The following SRFBP1 variants were observed in gnomAD, a reference collection of about 807,000 sequenced individuals.
SRFBP1 encodes the protein serum response factor-binding protein 1.
A neutral mutation model predicts 45.5 loss-of-function variants in SRFBP1; 47 were observed. The observed-to-expected ratio is 1.03, with a 90% CI of 0.82 to 1.32. The LOEUF is 1.32. Among genes scored for constraint, SRFBP1 ranks in the 40% most tolerant of loss-of-function variants. The pLI, the probability that SRFBP1 is intolerant of heterozygous loss-of-function variation, is 0.00. For missense variants in SRFBP1, 621 were observed against 484.6 expected (o/e 1.28, Z -2.64); for synonymous variants, 203 against 166.3 (o/e 1.22, Z -1.70).
intron 2 of SRFBP1, among the ~76,000 whole-genome samples, chr5:122,074,818 G>A (rs1754569051): frequency 6.6e-6 from 1 of 152,170 alleles, no homozygotes; most frequent in Non-Finnish European, 1.5e-5. Context: ...TTGGATTTCA[G>A]GAAGTAAGTT....
intron 3 of SRFBP1, among the ~76,000 whole-genome samples, chr5:121,981,169 C>G (rs148614773): frequency 1.2e-4 from 18 of 151,978 alleles, no homozygotes; most frequent in African/African-American, 4.3e-4. Context: ...GATGATTAAT[C>G]ATGTTATCTT....
intron 4 of SRFBP1, among the ~76,000 whole-genome samples, chr5:122,017,046 T>A (rs1335051168): frequency 6.6e-6 from 1 of 152,088 alleles, no homozygotes; most frequent in African/African-American, 2.4e-5. Context: ...CTGGCCAACG[T>A]GGTGAAACCC....
At chr5:121,969,341 A>G (rs564655602) in intron 1 of SRFBP1, among the ~76,000 whole-genome samples, 1 of 152,064 alleles carries the variant, frequency 6.6e-6, no homozygotes, top group African/African-American at 2.4e-5. Flanking sequence ...TTGAGCTGTG[A>G]TGCATCTGTT....
intron 4 of SRFBP1, among the ~76,000 whole-genome samples, chr5:122,001,057 C>T (rs1335689913): frequency 6.6e-6 from 1 of 152,176 alleles, no homozygotes; most frequent in East Asian, 1.9e-4. Flanking sequence ...AAGGTCCCTT[C>T]TCCAAGCTCT....
chr5:121,981,002 C>A (rs934930341), intron 3 of SRFBP1, among the ~76,000 whole-genome samples: 1 of 152,122 alleles, frequency 6.6e-6, no homozygotes, highest in African/African-American at 2.4e-5. Context: ...GAAATGATAA[C>A]TACTTGTGCT....
intron 2 of SRFBP1, among the ~76,000 whole-genome samples, chr5:122,042,687 T>C (rs895795230): frequency 7.9e-5 from 12 of 152,224 alleles, no homozygotes; most frequent in Non-Finnish European, 1.5e-4. Flanking sequence ...TATTTTTTCT[T>C]TGTGTGCTCT....
At chr5:122,077,421 T>A, downstream of SRFBP1, 1 of 1,614,048 alleles carries the variant, frequency 6.2e-7, no homozygotes, top group South Asian at 1.1e-5. This position sits in a 1 kb window ranked among gnomAD's most constrained non-coding sequence, Gnocchi z 4.9. Context: ...CTTTCATAAG[T>A]ATCGTAGTAG....
chr5:121,993,441 GT>G (rs1468976982), intron 3 of SRFBP1, among the ~76,000 whole-genome samples: 1 of 152,108 alleles, frequency 6.6e-6, no homozygotes, highest in Admixed American at 6.6e-5. Context: ...TTTTGTGTTA[GT>G]TTTTCATGAA....
chr5:122,031,479 A>G (rs1402029232), downstream of SRFBP1, among the ~76,000 whole-genome samples: 3 of 152,218 alleles, frequency 2.0e-5, no homozygotes, highest in Admixed American at 2.0e-4. Flanking sequence ...AATATGTTCA[A>G]AGAACCAAAG....
At chr5:122,008,086 G>A (rs1753014925) in intron 4 of SRFBP1, among the ~76,000 whole-genome samples, 1 of 152,114 alleles carries the variant, frequency 6.6e-6, no homozygotes, top group Admixed American at 6.5e-5. Flanking sequence ...TACTATCCTG[G>A]AGCCTGGGAC....
chr5:122,069,991 T>A (rs1470043885), intron 2 of SRFBP1: 2 of 1,158,558 alleles, frequency 1.7e-6, no homozygotes, highest in Admixed American at 1.7e-5. Flanking sequence ...CTATGTATAA[T>A]GTTTGGCATG....
intron 2 of SRFBP1, among the ~76,000 whole-genome samples, chr5:122,073,542 A>G (rs1754516813): frequency 6.6e-6 from 1 of 152,234 alleles, no homozygotes; most frequent in South Asian, 2.1e-4. Context: ...TCACAGGTGA[A>G]AAAACAGAGA....
downstream of SRFBP1, among the ~76,000 whole-genome samples, chr5:122,078,641 G>A (rs1754712644): frequency 6.6e-6 from 1 of 151,640 alleles, no homozygotes; most frequent in Non-Finnish European, 1.5e-5. Flanking sequence ...AAGTCGGGAG[G>A]TTGGGAGGGT....
chr5:121,970,035 T>C (rs554483198), intron 1 of SRFBP1, among the ~76,000 whole-genome samples: 11 of 152,254 alleles, frequency 7.2e-5, no homozygotes, highest in Admixed American at 5.2e-4. Flanking sequence ...CTTGGACTTC[T>C]GGCAGTATTG....
At chr5:121,974,368 G>A in intron 2 of SRFBP1, 84 bp downstream of exon 2, 1 of 956,082 alleles carries the variant, frequency 1.0e-6, no homozygotes, top group Non-Finnish European at 1.6e-6. Context: ...TTTAGGGTGG[G>A]ATATAGAGAA....
intron 4 of SRFBP1, among the ~76,000 whole-genome samples, chr5:122,009,544 A>G (rs1175673655): frequency 6.6e-6 from 1 of 152,228 alleles, no homozygotes; most frequent in African/African-American, 2.4e-5. Flanking sequence ...GTGATATTTT[A>G]AAGCTCACAG....
chr5:122,026,898 T>C (rs771572739), intron 7 of SRFBP1, 44 bp from the exon 8 acceptor site: 3 of 1,349,576 alleles, frequency 2.2e-6, no homozygotes, highest in Non-Finnish European at 3.0e-6. Flanking sequence ...TCCTATATGC[T>C]CTTTAAGTAT....
chr5:122,018,592 G>A (rs956139756), intron 4 of SRFBP1, among the ~76,000 whole-genome samples: 1 of 152,212 alleles, frequency 6.6e-6, no homozygotes, highest in Non-Finnish European at 1.5e-5. Flanking sequence ...TAGATGTCAG[G>A]TTAGGTGGTT....
At chr5:122,077,951 G>C (rs561937884), downstream of SRFBP1, 13 of 1,478,952 alleles carry the variant, frequency 8.8e-6, no homozygotes, top group Non-Finnish European at 1.2e-5. The surrounding 1 kb of genome is among the most constrained non-coding windows in gnomAD (Gnocchi z 4.9). Flanking sequence ...GAGCTGCAAA[G>C]GCCCGAGCAG....
Sources: allele counts gnomAD v4.1 joint callset (sites outside exome capture counted in the v4.1 genomes callset), GRCh38; gene constraint gnomAD v4.1.1; non-coding constraint Gnocchi (gnomAD v3.1); transcripts MANE v1.5; gene names NCBI Gene and HGNC (gene_info 2026-07-23, HGNC 2026-07-21).